Variants in ODF2L observed in about 807,000 individuals in gnomAD.
ODF2L encodes outer dense fiber of sperm tails 2 like, also known as protein BCAP.
A neutral mutation model predicts 86.3 loss-of-function variants in ODF2L; 76 were observed. The ratio of observed to expected loss-of-function variants is 0.88; its 90% confidence interval spans 0.73 to 1.07. The LOEUF is 1.07. Ranked by LOEUF, ODF2L falls within the 50% of genes least tolerant of loss-of-function variation. ODF2L has a pLI of 0.00. For missense variants in ODF2L, 748 were observed against 717.4 expected (o/e 1.04, Z -0.49); for synonymous variants, 241 against 231.3 (o/e 1.04, Z -0.38).
intron 11 of ODF2L, among the ~76,000 whole-genome samples, chr1:86,366,431 CACATACACAT>C (rs1268050409): frequency 3.1e-4 from 41 of 130,662 alleles, no homozygotes; most frequent in African/African-American, 1.2e-3. Flanking sequence ...CACACACACA[CACATACACAT>C]ACACATACAC....
exon 2 of ODF2L, chr1:86,387,039 A>C: frequency 7.4e-7 from 1 of 1,360,398 alleles, no homozygotes; most frequent in Non-Finnish European, 1.0e-6. Flanking sequence ...AATTCAGTAA[A>C]TGGATTTATA....
chr1:86,384,869 T>A, intron 3 of ODF2L, 68 bp from the exon 4 acceptor site: 1 of 1,204,106 alleles, frequency 8.3e-7, no homozygotes, highest in Non-Finnish European at 1.1e-6. Context: ...CTAAAATATA[T>A]TATCAAACAA....
intron 1 of ODF2L, among the ~76,000 whole-genome samples, chr1:86,392,970 G>A (rs928458284): frequency 1.3e-5 from 2 of 152,100 alleles, no homozygotes; most frequent in African/African-American, 4.8e-5. Flanking sequence ...AGTGCTTGTA[G>A]GCTATGCTGA....
intron 10 of ODF2L, among the ~76,000 whole-genome samples, chr1:86,370,459 T>C (rs1400114823): frequency 6.6e-6 from 1 of 152,174 alleles, no homozygotes; most frequent in Non-Finnish European, 1.5e-5. Flanking sequence ...TGTCTTCTAT[T>C]TTCTGTCCTC....
In ODF2L at chr1:86,352,354, A is replaced by G. The variant is rs115470466; in HGVS notation, c.1894-146T>C. On this transcript the variant is annotated intron_variant, in intron 17 of 17. Coordinates refer to ENST00000317336, the Ensembl canonical transcript of ODF2L. ...TATTCAGGAAAAAAAACAGAAGACT[A>G]ATTAAGCACAGTCACTTTGGTATTT... The G allele has an allele frequency of 5.3e-3, 4,965 of 941,934 alleles. 22 individuals are homozygous for G. The highest frequency in any genetic ancestry group is 6.8e-3 in the Non-Finnish European group (4,721 of 691,310). The allele number at this position is 941,934 out of a possible 1,614,324, so 58.3% of individuals were successfully genotyped here. A position where few individuals can be genotyped will look rare whatever the true frequency, so the allele number is the denominator to read the frequency against.
At chr1:86,368,615 G>T in intron 11 of ODF2L, 1 of 1,374,822 alleles carries the variant, frequency 7.3e-7, no homozygotes, top group South Asian at 1.9e-5. Context: ...AGAACTAATG[G>T]CAGTATGAGT....
chr1:86,376,137 A>T, intron 8 of ODF2L, 96 bp downstream of exon 8: 1 of 631,348 alleles, frequency 1.6e-6, no homozygotes, highest in East Asian at 2.9e-5. Flanking sequence ...AGCATTAAGA[A>T]AAGAATAAAA....
At chr1:86,366,605 CA>C (rs10659852) in intron 11 of ODF2L, among the ~76,000 whole-genome samples, 10 of 138,182 alleles carry the variant, frequency 7.2e-5, no homozygotes, top group Admixed American at 2.2e-4. Context: ...GACTCTGTCT[CA>C]AAAAAAAAAA....
intron 7 of ODF2L, among the ~76,000 whole-genome samples, chr1:86,377,358 T>C (rs888301489): frequency 6.6e-6 from 1 of 152,176 alleles, no homozygotes; most frequent in Non-Finnish European, 1.5e-5. Flanking sequence ...TGAGTATCTG[T>C]GGCTCTTCCA....
chr1:86,359,201 C>T (rs1048155943), intron 12 of ODF2L, among the ~76,000 whole-genome samples: 1 of 150,876 alleles, frequency 6.6e-6, no homozygotes, highest in Non-Finnish European at 1.5e-5. Flanking sequence ...TCCAAACTAG[C>T]TTCCATTTAA....
chr1:86,365,402 G>A (rs1012893470), intron 11 of ODF2L, among the ~76,000 whole-genome samples: 4 of 152,106 alleles, frequency 2.6e-5, no homozygotes, highest in African/African-American at 9.7e-5. Context: ...CCTGGCCCTG[G>A]TATGGATGGA....
At chr1:86,355,219 C>A (rs1658448629) in intron 14 of ODF2L, 1 of 671,712 alleles carries the variant, frequency 1.5e-6, no homozygotes, top group Admixed American at 3.0e-5. Flanking sequence ...TAGGGTTTCT[C>A]TTATGGTTTT....
At chr1:86,382,406 G>T in intron 6 of ODF2L, 48 bp from the exon 7 acceptor site, 1 of 1,601,294 alleles carries the variant, frequency 6.2e-7, no homozygotes, top group South Asian at 1.1e-5. Context: ...ATTATTTGCT[G>T]TATCCCCAGC....
intron 1 of ODF2L, among the ~76,000 whole-genome samples, chr1:86,393,522 T>C (rs996715974): frequency 3.3e-5 from 5 of 152,136 alleles, no homozygotes; most frequent in Admixed American, 1.3e-4. Flanking sequence ...GTAATCCCTC[T>C]CTCCAATGAA....
At chr1:86,348,477 T>C (rs1325825793), downstream of ODF2L, 1 of 175,428 alleles carries the variant, frequency 5.7e-6, no homozygotes, top group Non-Finnish European at 1.2e-5. Context: ...TCCATGTCTA[T>C]GTGTGAGAAA....
At chr1:86,359,668 T>G (rs150696264) in intron 12 of ODF2L, among the ~76,000 whole-genome samples, 390 of 151,960 alleles carry the variant, frequency 2.6e-3, no homozygotes, top group Non-Finnish European at 4.5e-3. Flanking sequence ...AGACTACAGG[T>G]GCATGTCACC....
At chr1:86,383,232 T>C (rs1660705745) in intron 4 of ODF2L, 36 bp from the exon 5 acceptor site, 1 of 1,105,638 alleles carries the variant, frequency 9.0e-7, no homozygotes, top group African/African-American at 1.6e-5. Context: ...TGATCGCAAA[T>C]TATATTTCTC....
intron 17 of ODF2L, 93 bp downstream of exon 16, chr1:86,352,766 A>G: frequency 1.4e-6 from 1 of 739,862 alleles, no homozygotes; most frequent in Non-Finnish European, 2.2e-6. Context: ...TATCAGTAAA[A>G]CAATAGACTT....
At chr1:86,353,116 A>G in intron 16 of ODF2L, 132 bp from the exon 16 acceptor site, 1 of 622,172 alleles carries the variant, frequency 1.6e-6, no homozygotes, top group South Asian at 2.0e-5. Context: ...AAGATGTTCT[A>G]TCTTGAAGAA....
Sources: allele counts gnomAD v4.1 joint callset (sites outside exome capture counted in the v4.1 genomes callset), GRCh38; gene constraint gnomAD v4.1.1; transcripts MANE v1.5; gene names NCBI Gene and HGNC (gene_info 2026-07-23, HGNC 2026-07-21).